The following TSHZ2 variants were observed in gnomAD, a reference collection of about 807,000 sequenced individuals.
TSHZ2 encodes teashirt zinc finger homeobox 2.
Under a neutral mutation model 74.4 loss-of-function variants are expected in TSHZ2, and 21 were observed. The observed-to-expected ratio is 0.28, with a 90% confidence interval of 0.20 to 0.41. The LOEUF (loss-of-function observed/expected upper bound fraction) is 0.41. Among genes scored for constraint, TSHZ2 ranks in the 10% least tolerant of loss-of-function variants. TSHZ2 has a pLI of 1.00. For synonymous variants in TSHZ2, 540 were observed against 515.3 expected, an observed-to-expected ratio of 1.05 and a Z score of -0.65; for missense variants, 1,244 against 1,293.5, an observed-to-expected ratio of 0.96 and a Z score of 0.59.
At chr20:53,357,920 A>C (rs1485122771) in intron 2 of TSHZ2, among the ~76,000 whole-genome samples, 1 of 152,216 alleles carries the variant, frequency 6.6e-6, no homozygotes. Context: ...GACACAGGCC[A>C]CCAGAACCAA....
chr20:53,052,390 C>T (rs7274172), intron 1 of TSHZ2, among the ~76,000 whole-genome samples: 11,379 of 152,190 alleles, frequency 0.075, 499 homozygotes, highest in South Asian at 0.19. Flanking sequence ...CATAGAAGTA[C>T]GAACCCTATT....
chr20:53,086,350 C>T lies in TSHZ2; in HGVS notation c.40+113017C>T, dbSNP rs148494403. On this transcript the variant is annotated intron_variant, in intron 1 of 2. Coordinates refer to ENST00000371497, the MANE Select transcript of TSHZ2 (RefSeq NM_173485.6). ...CTTCAGACTTTCCTTCTCTCAAGAT[C>T]GCCATATCTCCATTCAGATTTTTGG... 1.2e-4 allele frequency among the ~76,000 whole-genome samples: 19 copies of T among 152,018 alleles called. No individual in the cohort carries two copies. In the East Asian group the frequency reaches 2.9e-3, roughly 23 times the overall value.
intron 2 of TSHZ2, among the ~76,000 whole-genome samples, chr20:53,286,920 CACA>C (rs1991179097): frequency 1.4e-5 from 2 of 146,062 alleles, no homozygotes; most frequent in Non-Finnish European, 1.5e-5. Context: ...CACACACACA[CACA>C]CACGTAACAC....
chr20:53,062,810 C>T (rs1212573631), intron 1 of TSHZ2, among the ~76,000 whole-genome samples: 1 of 152,200 alleles, frequency 6.6e-6, no homozygotes, highest in Non-Finnish European at 1.5e-5. Context: ...CTGGTTGGCA[C>T]AAGAGGCCTA....
At chr20:53,279,337 A>G (rs1249486522) in intron 2 of TSHZ2, among the ~76,000 whole-genome samples, 1 of 152,276 alleles carries the variant, frequency 6.6e-6, no homozygotes, top group Non-Finnish European at 1.5e-5. Context: ...ACTATGATCC[A>G]ATACAACTTT....
chr20:53,143,010 C>G (rs16997609), intron 1 of TSHZ2, among the ~76,000 whole-genome samples: 14,675 of 152,152 alleles, frequency 0.096, 1,917 homozygotes, highest in African/African-American at 0.3. Flanking sequence ...TGACGTGACC[C>G]GCTGCTTTGC....
chr20:53,013,836 C>G (rs1568719649), intron 1 of TSHZ2, among the ~76,000 whole-genome samples: 1 of 152,160 alleles, frequency 6.6e-6, no homozygotes, highest in Non-Finnish European at 1.5e-5. Flanking sequence ...TGCATTCAGG[C>G]TCATTTATTT....
chr20:53,056,608 C>T (rs1390176817), intron 1 of TSHZ2, among the ~76,000 whole-genome samples: 1 of 152,118 alleles, frequency 6.6e-6, no homozygotes, highest in African/African-American at 2.4e-5. Context: ...CTTTGTTTTT[C>T]TCTGCTTAAT....
At chr20:53,084,065 T>C (rs1228961083) in intron 1 of TSHZ2, among the ~76,000 whole-genome samples, 1 of 152,188 alleles carries the variant, frequency 6.6e-6, no homozygotes, top group East Asian at 1.9e-4. Context: ...TGCCACAGAA[T>C]AGCCACTAAT....
chr20:53,173,309 AAAT>A (rs1289797623), intron 1 of TSHZ2, among the ~76,000 whole-genome samples: 2 of 152,216 alleles, frequency 1.3e-5, no homozygotes, highest in African/African-American at 4.8e-5. Context: ...GTAAGTATTT[AAAT>A]AATAATAAAG....
intron 1 of TSHZ2, among the ~76,000 whole-genome samples, chr20:52,999,334 A>G (rs763416964): frequency 2.6e-5 from 4 of 152,220 alleles, no homozygotes; most frequent in Non-Finnish European, 5.9e-5. Context: ...AGCAACATAT[A>G]TACTTAAGAT....
intron 1 of TSHZ2, among the ~76,000 whole-genome samples, chr20:53,058,274 C>T (rs1312644145): frequency 6.6e-6 from 1 of 152,134 alleles, no homozygotes; most frequent in African/African-American, 2.4e-5. Flanking sequence ...GAGTTGGGGA[C>T]CTCTGTCTTT....
rs1316031906 is a variant in TSHZ2, at chr20:53,074,749, C to G, written c.40+101416C>G. ...AAAGAAAAATTCAGGCACATCTACT[C>G]TGTGCCAGGGAAGGTGCTGAAGGAA... On this transcript the variant is annotated intron_variant, in intron 1 of 2. Transcript: ENST00000371497. This position sits in a 1 kb window ranked among gnomAD's most constrained non-coding sequence, Gnocchi z 5.9. 6.6e-6 allele frequency among the ~76,000 whole-genome samples: 1 copy of G among 152,186 alleles called. No individual in the cohort carries two copies. Among genetic ancestry groups the G allele is most frequent in the African/African-American group, 2.4e-5 (1 of 41,446 alleles).
chr20:53,105,039 T>A (rs901405463), intron 1 of TSHZ2, among the ~76,000 whole-genome samples: 3 of 152,214 alleles, frequency 2.0e-5, no homozygotes, highest in Admixed American at 1.3e-4. Flanking sequence ...AAGGACGAAG[T>A]CACATTTGGT....
At chr20:53,142,392 A>G (rs1047628119) in intron 1 of TSHZ2, among the ~76,000 whole-genome samples, 4 of 152,178 alleles carry the variant, frequency 2.6e-5, no homozygotes, top group Admixed American at 6.5e-5. Flanking sequence ...AGGAGGAAAA[A>G]GGCTAATTAA....
intron 1 of TSHZ2, among the ~76,000 whole-genome samples, chr20:53,187,010 C>G (rs962049559): frequency 1.3e-5 from 2 of 152,014 alleles, no homozygotes; most frequent in East Asian, 3.9e-4. Flanking sequence ...TCGAGGAGCC[C>G]CTTTCTTTGT....
intron 1 of TSHZ2, among the ~76,000 whole-genome samples, chr20:53,248,106 T>G (rs1990246197): frequency 6.6e-6 from 1 of 152,216 alleles, no homozygotes; most frequent in Non-Finnish European, 1.5e-5. Flanking sequence ...GGTCTTGCTG[T>G]GTCACCCAGA....
intron 1 of TSHZ2, among the ~76,000 whole-genome samples, chr20:53,036,219 C>T (rs1388124618): frequency 6.6e-6 from 1 of 152,114 alleles, no homozygotes; most frequent in Non-Finnish European, 1.5e-5. Flanking sequence ...TTATTTATTC[C>T]TTGCTGAAAT....
chr20:53,150,209 C>T (rs1200322693), intron 1 of TSHZ2, among the ~76,000 whole-genome samples: 1 of 152,158 alleles, frequency 6.6e-6, no homozygotes, highest in Non-Finnish European at 1.5e-5. Context: ...GGATTCAAAT[C>T]TGGATAGTTG....
Sources: gnomAD v4.1 joint callset for allele counts (sites outside exome capture counted in the v4.1 genomes callset) on GRCh38, gnomAD v4.1.1 for gene constraint, Gnocchi (gnomAD v3.1) non-coding constraint, MANE v1.5 for transcripts, NCBI Gene and HGNC (gene_info 2026-07-23, HGNC 2026-07-21) for gene names.